The following RUFY2 variants were observed in gnomAD, a reference collection of about 807,000 sequenced individuals.
RUFY2 encodes RUN and FYVE domain containing 2, also known as RUN and FYVE domain-containing protein 2.
Under a neutral mutation model 94.4 loss-of-function variants are expected in RUFY2, and 49 were observed. That is an observed-to-expected ratio of 0.52 (90% CI 0.41 to 0.66). RUFY2 has a LOEUF of 0.66. Ranked by LOEUF, RUFY2 falls within the 30% of genes least tolerant of loss-of-function variation. RUFY2 has a pLI of 0.00. For missense variants in RUFY2, 541 were observed against 692.8 expected (o/e 0.78, Z 2.46); for synonymous variants, 255 against 235.7 (o/e 1.08, Z -0.75).
intron 10 of RUFY2, 148 bp from the exon 11 acceptor site, chr10:68,381,547 A>G: frequency 1.5e-6 from 1 of 688,050 alleles, no homozygotes; most frequent in South Asian, 2.2e-5. Context: ...AAGGCAATAA[A>G]TATTTTGAAA....
At chr10:68,400,041 A>T (rs992502672) in intron 3 of RUFY2, among the ~76,000 whole-genome samples, 3 of 152,098 alleles carry the variant, frequency 2.0e-5, no homozygotes, top group Admixed American at 6.6e-5. Context: ...CGGCCTCCCA[A>T]AGTGCTGGGA....
downstream of RUFY2, chr10:68,342,917 CTT>C (rs1035462818): frequency 3.3e-5 from 5 of 152,090 alleles, no homozygotes; most frequent in Non-Finnish European, 7.4e-5. Context: ...TAAATGATGA[CTT>C]TAAAAAAATG....
At chr10:68,401,565 G>A in intron 3 of RUFY2, 55 bp downstream of exon 3, 3 of 1,084,098 alleles carry the variant, frequency 2.8e-6, no homozygotes, top group East Asian at 2.4e-5. Flanking sequence ...GTACTTTGGA[G>A]GAACAATGAA....
At chr10:68,401,090 T>C (rs2050810160) in intron 3 of RUFY2, among the ~76,000 whole-genome samples, 1 of 152,256 alleles carries the variant, frequency 6.6e-6, no homozygotes, top group Non-Finnish European at 1.5e-5. Flanking sequence ...GAAAGTATTC[T>C]TAGCTAACAT....
chr10:68,363,582 G>T lies in RUFY2; in HGVS notation c.1550+8C>A, dbSNP rs753287118. ...ATGACTACTTAGTTGAAGGAAAAAA[G>T]AAATTACTCGCTAAGCTTGTTGCCG... On this transcript the variant is annotated splice_region_variant and intron_variant, in intron 15 of 17. Transcript: ENST00000602465. 4 of 1,571,522 alleles carry T rather than the reference G, an allele frequency of 2.5e-6. No individual in the cohort carries two copies. The highest frequency in any genetic ancestry group is 1.2e-5 in the South Asian group (1 of 84,748).
At chr10:68,406,903 T>A in intron 1 of RUFY2, 1 of 1,577,484 alleles carries the variant, frequency 6.3e-7, no homozygotes. Context: ...AGTGACACCC[T>A]GCCTGGCCCT....
In RUFY2 at chr10:68,364,105, AG is replaced by A; in HGVS notation, c.1333del (p.Leu445TrpfsTer5). The A allele has an allele frequency of 6.2e-7, 1 of 1,612,124 alleles. No individual in the cohort carries two copies. The highest frequency in any genetic ancestry group is 1.1e-5 in the South Asian group (1 of 90,598). On this transcript the variant is annotated frameshift_variant, in exon 14 of 18. Transcript: ENST00000602465. LOFTEE classifies it high-confidence loss of function. Reference protein sequence around the residue: ...ISQKEKQLVQLETDLKIEKEW... With the variant: ...ISQKEKQLVQXETDLKIEKEW... ...CTTCTCAATCTTCAAGTCAGTTTCC[AG>A]TTGCACCCTTGAATGACAAATAACA...
intron 16 of RUFY2, among the ~76,000 whole-genome samples, chr10:68,346,962 C>T (rs2046318405): frequency 1.3e-5 from 2 of 151,944 alleles, no homozygotes; most frequent in Admixed American, 6.6e-5. Context: ...TCCATCTTTA[C>T]AAAAAAATTA....
chr10:68,365,642 A>G (rs1268764776), intron 13 of RUFY2, among the ~76,000 whole-genome samples: 1 of 152,186 alleles, frequency 6.6e-6, no homozygotes, highest in African/African-American at 2.4e-5. Context: ...CGTTTATTTC[A>G]ATATTTAATA....
chr10:68,359,436 C>T (rs1375140389), intron 15 of RUFY2, among the ~76,000 whole-genome samples: 3 of 131,978 alleles, frequency 2.3e-5, no homozygotes, highest in East Asian at 2.2e-4. Context: ...TGTATATATA[C>T]GTATATATAA....
chr10:68,349,570 G>A (rs865800756), intron 16 of RUFY2, among the ~76,000 whole-genome samples: 4 of 151,428 alleles, frequency 2.6e-5, no homozygotes, highest in Admixed American at 6.6e-5. Context: ...ACAGAGTCTC[G>A]CTCTGTCACC....
chr10:68,380,107 CCTT>C (rs1267166193), intron 11 of RUFY2, among the ~76,000 whole-genome samples: 1 of 148,166 alleles, frequency 6.7e-6, no homozygotes, highest in East Asian at 2.0e-4. Flanking sequence ...CGCACACGGC[CCTT>C]TTTTTTTTTT....
chr10:68,373,823 G>C (rs1040213790), intron 13 of RUFY2, among the ~76,000 whole-genome samples: 1 of 152,066 alleles, frequency 6.6e-6, no homozygotes, highest in Non-Finnish European at 1.5e-5. Context: ...CTGTCTATAA[G>C]AAACTTTCGG....
chr10:68,387,401 T>C (rs1049218084), intron 7 of RUFY2, among the ~76,000 whole-genome samples: 4 of 152,086 alleles, frequency 2.6e-5, no homozygotes, highest in African/African-American at 9.7e-5. Context: ...TACTACCATC[T>C]CAAAACCTTC....
At chr10:68,379,568 TG>T in intron 11 of RUFY2, 47 bp from the exon 12 acceptor site, 1 of 1,349,812 alleles carries the variant, frequency 7.4e-7, no homozygotes, top group Non-Finnish European at 1.1e-6. Flanking sequence ...TGTGTGTGTG[TG>T]TTTGTGTGTG....
chr10:68,380,411 A>G (rs932930085), intron 11 of RUFY2, among the ~76,000 whole-genome samples: 1 of 151,952 alleles, frequency 6.6e-6, no homozygotes, highest in Non-Finnish European at 1.5e-5. Context: ...AAAAAAAATT[A>G]AAAAATAAAA....
intron 10 of RUFY2, among the ~76,000 whole-genome samples, chr10:68,383,281 C>T (rs2049222491): frequency 6.6e-6 from 1 of 151,888 alleles, no homozygotes; most frequent in Non-Finnish European, 1.5e-5. Context: ...GCCAAGATCG[C>T]ACCACTGCAC....
chr10:68,393,285 T>G (rs2050140609), intron 6 of RUFY2, 82 bp from the exon 7 acceptor site: 1 of 648,834 alleles, frequency 1.5e-6, no homozygotes, highest in African/African-American at 1.9e-5. Flanking sequence ...CTAAAATTAT[T>G]ATAAAACTAA....
intron 13 of RUFY2, among the ~76,000 whole-genome samples, chr10:68,371,936 GA>G (rs2048309770): frequency 6.6e-6 from 1 of 152,130 alleles, no homozygotes; most frequent in Non-Finnish European, 1.5e-5. Context: ...TATACCCAGT[GA>G]AAATATCTTT....
Sources: gnomAD v4.1 joint callset for allele counts (sites outside exome capture counted in the v4.1 genomes callset) on GRCh38, gnomAD v4.1.1 for gene constraint, MANE v1.5 for transcripts, NCBI Gene and HGNC (gene_info 2026-07-23, HGNC 2026-07-21) for gene names.